ERAP1: variants seen among roughly 807,000 people sequenced by gnomAD.
The protein encoded by ERAP1 is adipocyte-derived leucine aminopeptidase.
Under a neutral mutation model 103.7 loss-of-function variants are expected in ERAP1, and 86 were observed. The ratio of observed to expected loss-of-function variants is 0.83; its 90% CI spans 0.70 to 0.99. The LOEUF is 0.99. Among genes scored for constraint, ERAP1 ranks in the 50% least tolerant of loss-of-function variants. ERAP1 has a pLI of 0.00. For missense variants in ERAP1, 1,009 were observed against 1,128.4 expected, an observed-to-expected ratio of 0.89 and a Z score of 1.52; for synonymous variants, 398 against 402.4, an observed-to-expected ratio of 0.99 and a Z score of 0.13.
the ERAP1 span, among the ~76,000 whole-genome samples, chr5:96,869,265 G>T: frequency 6.6e-6 from 1 of 152,006 alleles, no homozygotes; most frequent in African/African-American, 2.4e-5. Flanking sequence ...TGGCCTGAAG[G>T]CTGTAATCCA....
chr5:96,875,361 C>T, the ERAP1 span, among the ~76,000 whole-genome samples: 1 of 151,632 alleles, frequency 6.6e-6, no homozygotes, highest in African/African-American at 2.4e-5. Flanking sequence ...ATGGGAAGAC[C>T]TCATCTATAA....
Position 96,776,142 on chromosome 5 carries a change from T to C in ERAP1, c.*254A>G, listed in dbSNP as rs1774252411. On this transcript the variant is annotated 3_prime_UTR_variant, in exon 19 of 19. Transcript: ENST00000443439. Reference sequence around the variant, plus strand: ...ATAAAATGAGAAGAATAAGGTACTTTATTCTTCTGTGGCAGGGAACCCAAC... The same window carrying C: ...ATAAAATGAGAAGAATAAGGTACTTCATTCTTCTGTGGCAGGGAACCCAAC... 4.1e-6 allele frequency: 6 copies of C among 1,468,534 alleles called. No individual in the cohort carries two copies. The highest frequency in any genetic ancestry group is 2.4e-5 in the South Asian group (2 of 81,950). 91.0% of individuals were successfully genotyped at this position (1,468,534 alleles called of 1,614,324 possible). A position where few individuals can be genotyped will look rare whatever the true frequency, so the allele number is the denominator to read the frequency against.
chr5:96,770,014 TTG>T (rs1197079569), downstream of ERAP1: 10 of 152,940 alleles, frequency 6.5e-5, no homozygotes, highest in African/African-American at 2.4e-4. Flanking sequence ...GTGAGTAATG[TTG>T]CAGTGAATAT....
At chr5:96,888,785 G>A in the ERAP1 span, among the ~76,000 whole-genome samples, 3 of 152,146 alleles carry the variant, frequency 2.0e-5, no homozygotes, top group African/African-American at 7.2e-5. Flanking sequence ...TCCCACATAG[G>A]TCTAGAAGAA....
At chr5:96,809,320 C>T (rs370874851), upstream of ERAP1, among the ~76,000 whole-genome samples, 9 of 152,092 alleles carry the variant, frequency 5.9e-5, no homozygotes, top group South Asian at 2.1e-4. Context: ...CTTATTTTAC[C>T]CAGCTCCTAT....
chr5:96,904,682 A>G, the ERAP1 span, among the ~76,000 whole-genome samples: 82,300 of 152,032 alleles, frequency 0.54, 22,348 homozygotes, highest in Admixed American at 0.59. Flanking sequence ...AGTAGATTGA[A>G]GAGAAGATAG....
At chr5:96,819,389 A>G in the ERAP1 span, among the ~76,000 whole-genome samples, 1 of 152,218 alleles carries the variant, frequency 6.6e-6, no homozygotes, top group South Asian at 2.1e-4. Context: ...TCAGCGGTGT[A>G]GACTGGTGAG....
chr5:96,789,298 C>T (rs1482683133), intron 10 of ERAP1, among the ~76,000 whole-genome samples: 1 of 152,100 alleles, frequency 6.6e-6, no homozygotes, highest in African/African-American at 2.4e-5. Context: ...ACCAGCCTGG[C>T]GAACATGGTG....
chr5:96,848,206 A>C, the ERAP1 span, among the ~76,000 whole-genome samples: 4 of 152,060 alleles, frequency 2.6e-5, no homozygotes, highest in African/African-American at 9.6e-5. Flanking sequence ...GCACTACCAC[A>C]CCTGTCTAAT....
At chr5:96,860,658 C>T in the ERAP1 span, among the ~76,000 whole-genome samples, 4 of 152,058 alleles carry the variant, frequency 2.6e-5, no homozygotes, top group African/African-American at 9.7e-5. Context: ...GGAAGGTTTC[C>T]TTGAGTAAGA....
the ERAP1 span, among the ~76,000 whole-genome samples, chr5:96,862,517 A>C: frequency 6.6e-6 from 1 of 152,224 alleles, no homozygotes; most frequent in Non-Finnish European, 1.5e-5. Flanking sequence ...CTATTAGCAA[A>C]TATTTCAGTG....
chr5:96,768,228 C>T (rs1184381974), intron 19 of ERAP1, among the ~76,000 whole-genome samples: 3 of 152,048 alleles, frequency 2.0e-5, no homozygotes, highest in African/African-American at 4.8e-5. Flanking sequence ...GGACTACAGG[C>T]GTGCACCACC....
At chr5:96,877,443 G>A in the ERAP1 span, among the ~76,000 whole-genome samples, 1 of 152,214 alleles carries the variant, frequency 6.6e-6, no homozygotes, top group South Asian at 2.1e-4. Flanking sequence ...CTTCATTTTG[G>A]CCATTGAATG....
At chr5:96,827,515 A>T in the ERAP1 span, among the ~76,000 whole-genome samples, 3 of 152,122 alleles carry the variant, frequency 2.0e-5, no homozygotes, top group Admixed American at 1.3e-4. Context: ...ACAAAAAAAA[A>T]TTAGCTGGGC....
At chr5:96,862,290 AAATC>A in the ERAP1 span, among the ~76,000 whole-genome samples, 1 of 152,244 alleles carries the variant, frequency 6.6e-6, no homozygotes, top group Non-Finnish European at 1.5e-5. Context: ...TGCCCAGTCT[AAATC>A]AATCTTTACA....
chr5:96,783,815 A>G lies in ERAP1; in HGVS notation c.2100+109T>C, dbSNP rs1775582717. On this transcript the variant is annotated intron_variant, in intron 14 of 18. Coordinates refer to ENST00000443439, the MANE Select transcript of ERAP1 (RefSeq NM_001040458.3). ...TTGCTTTTCCTTAATATGTATATAA[A>G]GATACACACACACACACACACACAC... 3.3e-6 allele frequency: 3 copies of G among 914,516 alleles called. No individual in the cohort carries two copies. The South Asian group carries it at 4.8e-5, about 15-fold the overall frequency. 56.7% of individuals were successfully genotyped at this position (914,516 alleles called of 1,614,324 possible).
chr5:96,881,439 A>G, the ERAP1 span: 3 of 456,250 alleles, frequency 6.6e-6, no homozygotes, highest in Non-Finnish European at 1.3e-5. Flanking sequence ...TGCTTCATAG[A>G]GTGGACGGCT....
chr5:96,903,420 T>G, the ERAP1 span: 5 of 1,613,662 alleles, frequency 3.1e-6, no homozygotes, highest in Non-Finnish European at 4.2e-6. Flanking sequence ...TGAAATTTAA[T>G]GTGGACTCAA....
chr5:96,888,158 GA>G, the ERAP1 span, among the ~76,000 whole-genome samples: 60 of 97,376 alleles, frequency 6.2e-4, no homozygotes, highest in African/African-American at 2.2e-3. Flanking sequence ...AAGAATAAAA[GA>G]AAAAAAAAGA....
Sources: gnomAD v4.1 joint callset for allele counts (sites outside exome capture counted in the v4.1 genomes callset) on GRCh38, gnomAD v4.1.1 for gene constraint, MANE v1.5 for transcripts, NCBI Gene and HGNC (gene_info 2026-07-23, HGNC 2026-07-21) for gene names.